Variants in A4GALT observed in about 807,000 individuals in gnomAD.
A4GALT encodes alpha 1,4-galactosyltransferase (P1PK blood group).
For missense variants in A4GALT, 512 were observed against 486.0 expected, an observed-to-expected ratio of 1.05 and a Z score of -0.50; for synonymous variants, 257 against 220.7, an observed-to-expected ratio of 1.16 and a Z score of -1.46.
At chr22:42,711,789 A>T (rs556129658) in intron 1 of A4GALT, among the ~76,000 whole-genome samples, 1 of 152,026 alleles carries the variant, frequency 6.6e-6, no homozygotes, top group Non-Finnish European at 1.5e-5. Context: ...GCGTGCCACC[A>T]CGCCTGGCTA....
At chr22:42,697,538 G>A (rs1931021339) in intron 1 of A4GALT, among the ~76,000 whole-genome samples, 1 of 152,116 alleles carries the variant, frequency 6.6e-6, no homozygotes, top group Non-Finnish European at 1.5e-5. Flanking sequence ...ACTCCATGGT[G>A]TGGGCGGGGT....
In A4GALT at chr22:42,706,247, C is replaced by T. The variant is rs558957167; in HGVS notation, c.-187-10616G>A. Among the ~76,000 whole-genome samples, 25 of 146,386 alleles carry T rather than the reference C, an allele frequency of 1.7e-4. No individual in the cohort carries two copies. The East Asian group carries it at 3.1e-3, about 18-fold the overall frequency. On this transcript the variant is annotated intron_variant, in intron 1 of 2. Transcript: ENST00000642412. ...GCGGGCACCTATAGTCCCAGTTACTCGGGAGGCTGAGGCAGGAGAATGGTG... is the reference window on the plus strand; with the variant it reads ...GCGGGCACCTATAGTCCCAGTTACTTGGGAGGCTGAGGCAGGAGAATGGTG...
intron 1 of A4GALT, among the ~76,000 whole-genome samples, chr22:42,712,955 G>A (rs1220372861): frequency 6.6e-6 from 1 of 151,948 alleles, no homozygotes; most frequent in Non-Finnish European, 1.5e-5. Flanking sequence ...TTCTCCCCCC[G>A]CTCCCCCAGC....
intron 1 of A4GALT, among the ~76,000 whole-genome samples, chr22:42,713,501 A>G (rs1187083490): frequency 6.6e-6 from 1 of 152,228 alleles, no homozygotes; most frequent in Non-Finnish European, 1.5e-5. Flanking sequence ...CTAGTAGGGG[A>G]AAATTAGTGA....
chr22:42,714,400 C>A (rs999651829), intron 1 of A4GALT, among the ~76,000 whole-genome samples: 2 of 150,300 alleles, frequency 1.3e-5, no homozygotes, highest in African/African-American at 4.9e-5. Context: ...CCAGCCTGGG[C>A]AACATAGTGA....
At position 42,696,352 on chromosome 22, in the gene A4GALT, G is replaced by A. The variant is rs140150134; in HGVS notation, c.-187-721C>T. ...GGAGAATTGCTTGAATCCAGGAGGC[G>A]GAGGTTGCAGTGCGCCGAGATTGCA... On this transcript the variant is annotated intron_variant, in intron 1 of 2. Coordinates refer to ENST00000642412, the MANE Select transcript of A4GALT (RefSeq NM_017436.7). 3.1e-3 allele frequency among the ~76,000 whole-genome samples: 474 copies of A among 151,412 alleles called. 5 individuals carry two copies. Among genetic ancestry groups the A allele is most frequent in the African/African-American group, 0.011 (448 of 41,236 alleles).
chr22:42,694,092 G>A, intron 2 of A4GALT, 95 bp from the exon 3 acceptor site: 1 of 813,048 alleles, frequency 1.2e-6, no homozygotes, highest in Non-Finnish European at 1.9e-6. Flanking sequence ...AGCCAAGGCT[G>A]GCTTCCAAGC....
Position 42,692,324 on chromosome 22 carries a change from CA to C in A4GALT, c.*565del. 3.7e-6 allele frequency: 1 copy of C among 270,858 alleles called. No individual in the cohort carries two copies. Among genetic ancestry groups the C allele is most frequent in the South Asian group, 3.9e-5 (1 of 25,698 alleles). The allele number at this position is 270,858 out of a possible 1,614,324, so 16.8% of individuals were successfully genotyped here. On this transcript the variant is annotated 3_prime_UTR_variant, in exon 3 of 3. Coordinates refer to ENST00000642412, the MANE Select transcript of A4GALT (RefSeq NM_017436.7). The surrounding 1 kb of genome is among the most constrained non-coding windows in gnomAD (Gnocchi z 4.6). Reference sequence around the variant, plus strand: ...TGGGGTGGGCAGAAGGGGCTGCCCCCAAACGGCTCCCCAGGCTGGCACTTCT... The same window carrying C: ...TGGGGTGGGCAGAAGGGGCTGCCCCCAACGGCTCCCCAGGCTGGCACTTCT...
intron 1 of A4GALT, among the ~76,000 whole-genome samples, chr22:42,715,629 G>A (rs192910414): frequency 1.6e-3 from 236 of 151,816 alleles, no homozygotes; most frequent in African/African-American, 5.0e-3. Context: ...TGGGAGGATC[G>A]CTTGAGCCCA....
In A4GALT at chr22:42,692,392, C is replaced by G; in HGVS notation, c.*498G>C. 1 of 331,190 alleles carries G rather than the reference C, an allele frequency of 3.0e-6. No individual in the cohort carries two copies. Among genetic ancestry groups the G allele is most frequent in the Non-Finnish European group, 6.0e-6 (1 of 167,734 alleles). The allele number at this position is 331,190 out of a possible 1,614,324, so 20.5% of individuals were successfully genotyped here. On this transcript the variant is annotated 3_prime_UTR_variant, in exon 3 of 3. Transcript: ENST00000642412. This position sits in a 1 kb window ranked among gnomAD's most constrained non-coding sequence, Gnocchi z 4.6. The stretch of plus-strand genomic sequence containing the variant: ...CAGTCCCTGTTGACCTCCCCCACCC[C>G]CCGCGAAAGAGGAACCAAAACCAGA...
At chr22:42,716,266 C>T (rs950709389) in intron 1 of A4GALT, among the ~76,000 whole-genome samples, 2 of 152,198 alleles carry the variant, frequency 1.3e-5, no homozygotes, top group Non-Finnish European at 2.9e-5. Context: ...GCATGACCAT[C>T]CTCTCCACCA....
At chr22:42,701,896 C>T (rs1316667475) in intron 1 of A4GALT, among the ~76,000 whole-genome samples, 1 of 152,184 alleles carries the variant, frequency 6.6e-6, no homozygotes, top group Non-Finnish European at 1.5e-5. Context: ...CCACGTGACA[C>T]TGTCATGACA....
intron 1 of A4GALT, among the ~76,000 whole-genome samples, chr22:42,696,121 C>CAAAAAAAAAAAAAAAAAAAAAA (rs1296048741): frequency 3.7e-5 from 2 of 53,910 alleles, no homozygotes; most frequent in African/African-American, 8.9e-5. Context: ...GACTCTATCT[C>CAAAAAAAAAAAAAAAAAAAAAA]AAAAAAAAAA....
Position 42,693,315 on chromosome 22 carries a change from G to A in A4GALT, c.637C>T (p.Arg213Cys), listed in dbSNP as rs758708941. Residue 213 changes from arginine to cysteine, a missense_variant, in exon 3 of 3, where the codon CGC (arginine) becomes TGC (cysteine). Coordinates refer to ENST00000642412, the MANE Select transcript of A4GALT (RefSeq NM_017436.7). ...NLTNVLGTQSRYVLNGAFLAF... is the reference protein window; with the variant it reads ...NLTNVLGTQSCYVLNGAFLAF... ...AGGAACGCGCCGTTGAGGACGTAGC[G>A]GGACTGGGTGCCCAGCACGTTGGTC... is the stretch of plus-strand genomic sequence containing the variant. The A allele has an allele frequency of 3.7e-5, 59 of 1,612,992 alleles. No individual in the cohort carries two copies. Among genetic ancestry groups the A allele is most frequent in the Non-Finnish European group, 4.7e-5 (55 of 1,179,994 alleles).
At chr22:42,698,796 A>G (rs549558527) in intron 1 of A4GALT, among the ~76,000 whole-genome samples, 1 of 152,328 alleles carries the variant, frequency 6.6e-6, no homozygotes, top group South Asian at 2.1e-4. Context: ...CACAAAATAC[A>G]GGTCATAAAG....
intron 1 of A4GALT, among the ~76,000 whole-genome samples, chr22:42,703,781 G>A (rs1413489309): frequency 6.6e-6 from 1 of 152,150 alleles, no homozygotes; most frequent in South Asian, 2.1e-4. Flanking sequence ...AACTGCATGG[G>A]ATAAGTAACA....
chr22:42,700,112 C>T (rs1002852039), intron 1 of A4GALT, among the ~76,000 whole-genome samples: 1 of 152,300 alleles, frequency 6.6e-6, no homozygotes, highest in African/African-American at 2.4e-5. Flanking sequence ...ACCCAGGAGA[C>T]GGGGGCTCCA....
intron 1 of A4GALT, among the ~76,000 whole-genome samples, chr22:42,719,736 G>A (rs1361196276): frequency 6.6e-6 from 1 of 152,158 alleles, no homozygotes; most frequent in African/African-American, 2.4e-5. Flanking sequence ...TGACAAAGGG[G>A]AAGTCTTTGG....
chr22:42,693,378 C>T lies in A4GALT; in HGVS notation c.574G>A (p.Asp192Asn). The change falls in exon 3 of 3, where the codon GAC becomes AAC. Residue 192 changes from aspartate (D) to asparagine (N), a missense_variant. Transcript: ENST00000642412. Reference sequence around the variant, plus strand: ...TTCTTGAGAACAATGAAGTCCGTGTCCAGGTAGATGCCGCCGAACTTCCAC... The same window carrying T: ...TTCTTGAGAACAATGAAGTCCGTGTTCAGGTAGATGCCGCCGAACTTCCAC... ...LMWKFGGIYLDTDFIVLKNLR... is the reference protein window; with the variant it reads ...LMWKFGGIYLNTDFIVLKNLR... 6.2e-7 allele frequency: 1 copy of T among 1,613,340 alleles called. No individual in the cohort carries two copies. The highest frequency in any genetic ancestry group is 1.1e-5 in the South Asian group (1 of 91,090).
Sources: gnomAD v4.1 joint callset for allele counts (sites outside exome capture counted in the v4.1 genomes callset) on GRCh38, gnomAD v4.1.1 for gene constraint, Gnocchi (gnomAD v3.1) non-coding constraint, MANE v1.5 for transcripts, NCBI Gene and HGNC (gene_info 2026-07-23, HGNC 2026-07-21) for gene names.